GABRB3: variants seen among roughly 807,000 people sequenced by gnomAD.
The protein encoded by GABRB3 is gamma-aminobutyric acid type A receptor subunit beta3.
GABRB3 carries 14 observed loss-of-function variants against 52.1 expected under a neutral mutation model. The ratio of observed to expected loss-of-function variants is 0.27; its 90% CI spans 0.18 to 0.42. The LOEUF (loss-of-function observed/expected upper bound fraction) is 0.42, where lower values mean the gene tolerates loss of function less well. Among genes scored for constraint, GABRB3 ranks in the 10% least tolerant of loss-of-function variants. The probability of loss-of-function intolerance (pLI) is 1.00; values close to 1 mark genes in which losing one functional copy is unlikely to be tolerated. For missense variants in GABRB3, 307 were observed against 609.1 expected, an observed-to-expected ratio of 0.50 and a Z score of 5.22; for synonymous variants, 260 against 232.3, an observed-to-expected ratio of 1.12 and a Z score of -1.08.
At chr15:26,624,936 G>C (rs1657044854) in intron 3 of GABRB3, 2 of 985,540 alleles carry the variant, frequency 2.0e-6, no homozygotes, top group Non-Finnish European at 2.4e-6. Context: ...GCTTGTGTGA[G>C]TGATCCTTCA....
chr15:26,578,794 GCATGGAA>G (rs1229942938), intron 6 of GABRB3, among the ~76,000 whole-genome samples: 1 of 152,186 alleles, frequency 6.6e-6, no homozygotes, highest in Non-Finnish European at 1.5e-5. Context: ...ACCACTCAGG[GCATGGAA>G]CACTTTGAAA....
At chr15:26,603,916 C>T (rs917163434) in intron 4 of GABRB3, among the ~76,000 whole-genome samples, 6 of 151,956 alleles carry the variant, frequency 3.9e-5, no homozygotes, top group African/African-American at 1.4e-4. Flanking sequence ...TACTGTAAGT[C>T]CTAGCTACAG....
intron 3 of GABRB3, among the ~76,000 whole-genome samples, chr15:26,651,241 G>A (rs1036375184): frequency 3.3e-5 from 5 of 152,212 alleles, no homozygotes; most frequent in Non-Finnish European, 5.9e-5. Flanking sequence ...CCCTGCTGGC[G>A]TCCAGAGGAG....
intron 3 of GABRB3, among the ~76,000 whole-genome samples, chr15:26,759,073 C>T (rs933607891): frequency 6.6e-6 from 1 of 152,142 alleles, no homozygotes; most frequent in Non-Finnish European, 1.5e-5. Context: ...TAATAATTTG[C>T]ACATCCACCT....
At chr15:26,607,097 C>T (rs960680786) in intron 4 of GABRB3, among the ~76,000 whole-genome samples, 2 of 152,080 alleles carry the variant, frequency 1.3e-5, no homozygotes, top group African/African-American at 2.4e-5. Flanking sequence ...TGTTTCTGTA[C>T]CTCACTTCTG....
intron 4 of GABRB3, chr15:26,615,402 C>T: frequency 1.0e-6 from 1 of 985,946 alleles, no homozygotes; most frequent in Non-Finnish European, 1.2e-6. Flanking sequence ...AGTTCACCGT[C>T]ATATTCAGCT....
intron 3 of GABRB3, among the ~76,000 whole-genome samples, chr15:26,668,018 T>A (rs963477028): frequency 2.0e-5 from 3 of 152,208 alleles, no homozygotes; most frequent in African/African-American, 7.2e-5. Context: ...CAAGATTCCC[T>A]GCGTAACACC....
intron 3 of GABRB3, among the ~76,000 whole-genome samples, chr15:26,649,676 G>GTT (rs1887134720): frequency 6.6e-6 from 1 of 151,402 alleles, no homozygotes; most frequent in South Asian, 2.1e-4. Context: ...GTGTGTGTGT[G>GTT]TGTGTGTGTG....
chr15:26,706,659 T>C (rs1397341191), intron 3 of GABRB3, among the ~76,000 whole-genome samples: 2 of 152,154 alleles, frequency 1.3e-5, no homozygotes, highest in African/African-American at 2.4e-5. Flanking sequence ...AATGCATGAA[T>C]AGAGTAAAAA....
intron 3 of GABRB3, among the ~76,000 whole-genome samples, chr15:26,661,062 A>C (rs1016185864): frequency 9.9e-5 from 15 of 152,254 alleles, no homozygotes; most frequent in Admixed American, 6.5e-4. Flanking sequence ...CTGGGATGAC[A>C]GGTTTAAGCC....
chr15:26,647,836 C>T (rs1236361337), intron 3 of GABRB3, among the ~76,000 whole-genome samples: 1 of 152,142 alleles, frequency 6.6e-6, no homozygotes, highest in African/African-American at 2.4e-5. Flanking sequence ...TTTGAAGGAT[C>T]CAGGGGCACA....
At chr15:26,578,067 G>A (rs1890656530) in intron 6 of GABRB3, among the ~76,000 whole-genome samples, 1 of 152,194 alleles carries the variant, frequency 6.6e-6, no homozygotes, top group Admixed American at 6.5e-5. Context: ...GATTACAGGT[G>A]TGAACCACTG....
At chr15:26,640,222 A>T (rs527394624) in intron 3 of GABRB3, among the ~76,000 whole-genome samples, 29 of 152,296 alleles carry the variant, frequency 1.9e-4, no homozygotes, top group Admixed American at 5.2e-4. Flanking sequence ...GGTGATTTAA[A>T]GTATCAAAAC....
intron 3 of GABRB3, among the ~76,000 whole-genome samples, chr15:26,638,675 G>A (rs1281462473): frequency 1.3e-5 from 2 of 152,210 alleles, no homozygotes; most frequent in Non-Finnish European, 2.9e-5. Flanking sequence ...AGAATCCCAG[G>A]AGGTAAAGCC....
chr15:26,650,883 G>A (rs1887175640), intron 3 of GABRB3, among the ~76,000 whole-genome samples: 1 of 152,092 alleles, frequency 6.6e-6, no homozygotes, highest in African/African-American at 2.4e-5. Context: ...CAGGCTTCAG[G>A]AAAGATGGCC....
chr15:26,634,643 A>C (rs746387215), intron 3 of GABRB3, among the ~76,000 whole-genome samples: 1 of 152,018 alleles, frequency 6.6e-6, no homozygotes, highest in Non-Finnish European at 1.5e-5. Context: ...TTATGGGTTA[A>C]ATAGAATAAT....
At chr15:26,746,788 C>A (rs1261526215) in intron 3 of GABRB3, among the ~76,000 whole-genome samples, 1 of 152,012 alleles carries the variant, frequency 6.6e-6, no homozygotes, top group African/African-American at 2.4e-5. Context: ...GAGATCGAGA[C>A]CATCCTGGCT....
At chr15:26,772,261 CGCCTGGGAGCGCG>C in intron 3 of GABRB3, 128 bp downstream of exon 3, 1 of 683,430 alleles carries the variant, frequency 1.5e-6, no homozygotes, top group Admixed American at 3.1e-5. Flanking sequence ...GAGGGGCCGG[CGCCTGGGAGCGCG>C]GCTCCCTCTG....
intron 5 of GABRB3, 127 bp from the exon 6 acceptor site, chr15:26,580,583 G>T: frequency 8.5e-7 from 1 of 1,181,390 alleles, no homozygotes; most frequent in Non-Finnish European, 1.2e-6. Context: ...TAATGTGCTT[G>T]TCTAGGGGAA....
Sources: gnomAD v4.1 joint callset for allele counts (sites outside exome capture counted in the v4.1 genomes callset) on GRCh38, gnomAD v4.1.1 for gene constraint, MANE v1.5 for transcripts, NCBI Gene and HGNC (gene_info 2026-07-23, HGNC 2026-07-21) for gene names.